The following NDUFA10 variants were observed in gnomAD, a reference collection of about 807,000 sequenced individuals.
NDUFA10 encodes the protein NADH dehydrogenase [ubiquinone] 1 alpha subcomplex subunit 10, mitochondrial.
A neutral mutation model predicts 47.8 loss-of-function variants in NDUFA10; 40 were observed. The observed-to-expected ratio is 0.84, with a 90% confidence interval of 0.65 to 1.09. NDUFA10 has a LOEUF of 1.09. NDUFA10 is among the 50% of genes least tolerant of loss of function. The pLI is 0.00. For missense variants in NDUFA10, 413 were observed against 451.1 expected (o/e 0.92, Z 0.76); for synonymous variants, 183 against 172.2 (o/e 1.06, Z -0.49).
At chr2:240,011,092 C>T (rs1487654487) in intron 6 of NDUFA10, among the ~76,000 whole-genome samples, 1 of 152,128 alleles carries the variant, frequency 6.6e-6, no homozygotes, top group Non-Finnish European at 1.5e-5. Flanking sequence ...TGAGTGAAAC[C>T]ACATTTTCCA....
chr2:239,947,078 T>C (rs1359111913), intron 4 of NDUFA10, among the ~76,000 whole-genome samples: 2 of 152,168 alleles, frequency 1.3e-5, no homozygotes, highest in Non-Finnish European at 2.9e-5. Context: ...CAGCAGGTAG[T>C]GTGGGTGGGA....
At chr2:239,904,402 A>C (rs373543260) in intron 4 of NDUFA10, among the ~76,000 whole-genome samples, 1 of 152,130 alleles carries the variant, frequency 6.6e-6, no homozygotes, top group Non-Finnish European at 1.5e-5. Context: ...GGTTCAAGCG[A>C]TTATCCTGCC....
At chr2:239,950,098 G>C (rs1400451260) in intron 4 of NDUFA10, among the ~76,000 whole-genome samples, 1 of 152,152 alleles carries the variant, frequency 6.6e-6, no homozygotes, top group Middle Eastern at 3.2e-3. Context: ...TCTAGGGAGG[G>C]GGCACACCTC....
chr2:239,930,761 T>C (rs113787495), intron 4 of NDUFA10, among the ~76,000 whole-genome samples: 3,563 of 151,616 alleles, frequency 0.024, 150 homozygotes, highest in African/African-American at 0.081. Context: ...CCCCGGTGGA[T>C]GGGTACAGCG....
chr2:239,893,215 C>G (rs1220780391), intron 5 of NDUFA10, among the ~76,000 whole-genome samples: 4 of 152,168 alleles, frequency 2.6e-5, no homozygotes, highest in Non-Finnish European at 5.9e-5. Context: ...AGCTGCAGCA[C>G]AGGGTACACG....
rs760243451 is a variant in NDUFA10 at position 240,016,276 on chromosome 2, C to T, written c.548-1416G>A. On this transcript the variant is annotated intron_variant, in intron 4 of 9. Coordinates refer to ENST00000252711, the MANE Select transcript of NDUFA10 (RefSeq NM_004544.4). This position sits in a 1 kb window ranked among gnomAD's most constrained non-coding sequence, Gnocchi z 4.4. ...CAAACCCGCAGCCAGGCAGAGCACA[C>T]GGGACCTCGGGTCTGCTTCCTGACT... is the stretch of plus-strand genomic sequence containing the variant. 1.8e-4 allele frequency among the ~76,000 whole-genome samples: 28 copies of T among 152,288 alleles called. No homozygotes were observed. The highest frequency in any genetic ancestry group is 1.4e-3 in the Admixed American group (22 of 15,312).
rs1276967028 is a variant in NDUFA10 at position 239,916,318 on chromosome 2, CACAA to C, written c.295-21008_295-21005del. On this transcript the variant is annotated intron_variant, in intron 4 of 5. Coordinates refer to the NDUFA10 transcript ENST00000419408. ...ATACAGACACACACAGACACAGATACACAAACATACACACATGCACAGAACACAC... is the reference window on the plus strand; with the variant it reads ...ATACAGACACACACAGACACAGATACACATACACACATGCACAGAACACAC... Among the ~76,000 whole-genome samples the C allele has an allele frequency of 9.9e-5, 15 of 151,582 alleles. No individual in the cohort carries two copies. In the South Asian group the frequency reaches 1.5e-3, roughly 15 times the overall value.
chr2:239,955,811 A>G (rs765205540), downstream of NDUFA10, among the ~76,000 whole-genome samples: 10 of 152,314 alleles, frequency 6.6e-5, no homozygotes, highest in East Asian at 1.9e-4. Flanking sequence ...ACTCTGGCTC[A>G]GGACCCTGAT....
At chr2:239,962,676 T>G (rs565774944) in intron 9 of NDUFA10, among the ~76,000 whole-genome samples, 39 of 152,294 alleles carry the variant, frequency 2.6e-4, no homozygotes, top group Middle Eastern at 3.4e-3. Context: ...AAAAGAGGTC[T>G]AATTGGCTCA....
chr2:239,967,211 T>C (rs1008851933), intron 9 of NDUFA10, among the ~76,000 whole-genome samples: 1 of 152,230 alleles, frequency 6.6e-6, no homozygotes, highest in Non-Finnish European at 1.5e-5. Flanking sequence ...CTCCAGATCA[T>C]TATGCTGCTG....
At chr2:239,950,847 G>A (rs1694539298) in intron 4 of NDUFA10, among the ~76,000 whole-genome samples, 1 of 152,166 alleles carries the variant, frequency 6.6e-6, no homozygotes, top group Non-Finnish European at 1.5e-5. Flanking sequence ...ATTCAAGTAG[G>A]TGCCTGTCTA....
In NDUFA10 at chr2:239,961,315, G is replaced by A. The variant is rs1468402057; in HGVS notation, c.1000-129C>T. On this transcript the variant is annotated intron_variant, in intron 9 of 9. Transcript: ENST00000252711. ...CCTTCAGCAATGCTGGTGAGCACAT[G>A]ATCTGTGGCAGGTGTCTCCTGTGAG... The A allele has an allele frequency of 2.6e-6, 4 of 1,542,652 alleles. No homozygotes were observed. The South Asian group carries it at 3.6e-5, about 14-fold the overall frequency.
At chr2:239,915,157 CAG>C (rs960738847) in intron 4 of NDUFA10, among the ~76,000 whole-genome samples, 2 of 149,790 alleles carry the variant, frequency 1.3e-5, no homozygotes, top group Admixed American at 6.6e-5. Context: ...TACAGACACA[CAG>C]AGATACACAA....
intron 9 of NDUFA10, among the ~76,000 whole-genome samples, chr2:239,984,051 G>GTT (rs1047366398): frequency 1.9e-4 from 29 of 152,144 alleles, no homozygotes; most frequent in African/African-American, 7.0e-4. Context: ...TGGCCATGAT[G>GTT]GTGCAACCCC....
At chr2:239,942,068 TC>T (rs1233470788) in intron 4 of NDUFA10, among the ~76,000 whole-genome samples, 4 of 152,240 alleles carry the variant, frequency 2.6e-5, no homozygotes, top group Non-Finnish European at 5.9e-5. Context: ...ACAAACTATT[TC>T]ACTTGGAATC....
Position 240,025,096 on chromosome 2 carries a change from G to A in NDUFA10, c.75+131C>T, listed in dbSNP as rs113286124. 2.1e-3 allele frequency: 1,934 copies of A among 899,982 alleles called. 26 individuals carry two copies. The African/African-American group carries it at 0.031, about 14-fold the overall frequency. 55.7% of individuals were successfully genotyped at this position (899,982 alleles called of 1,614,324 possible). The stretch of plus-strand genomic sequence containing the variant: ...CCAAACAATTCCGGAGGCAGGAGGG[G>A]TCCCCCAAACCCACCCGGAGAGCGA... On this transcript the variant is annotated intron_variant, in intron 1 of 9. Transcript: ENST00000252711.
rs1696061586 is a variant in NDUFA10 at position 239,987,789 on chromosome 2, G to A, written c.999+2285C>T. Reference sequence around the variant, plus strand: ...GCTCCGAACAGTCGCAGATGCCTGTGGGACTAACACGTATGGAGAATTAAG... The same window carrying A: ...GCTCCGAACAGTCGCAGATGCCTGTAGGACTAACACGTATGGAGAATTAAG... On this transcript the variant is annotated intron_variant, in intron 9 of 9. Coordinates refer to ENST00000252711, the MANE Select transcript of NDUFA10 (RefSeq NM_004544.4). The surrounding 1 kb of genome is among the most constrained non-coding windows in gnomAD (Gnocchi z 4.8). 6.6e-6 allele frequency among the ~76,000 whole-genome samples: 1 copy of A among 152,204 alleles called. No homozygotes were observed. Among genetic ancestry groups the A allele is most frequent in the African/African-American group, 2.4e-5 (1 of 41,458 alleles).
chr2:239,971,407 C>G (rs1219015739), intron 9 of NDUFA10, among the ~76,000 whole-genome samples: 1 of 152,226 alleles, frequency 6.6e-6, no homozygotes, highest in Non-Finnish European at 1.5e-5. Flanking sequence ...CTGTCCTGAG[C>G]CACCTCTGCC....
At chr2:239,936,853 G>A (rs4853980) in intron 4 of NDUFA10, among the ~76,000 whole-genome samples, 48,671 of 152,050 alleles carry the variant, frequency 0.32, 7,954 homozygotes, top group Non-Finnish European at 0.35. Flanking sequence ...TCAGCTACTC[G>A]AGAGGCTGAG....
Sources: gnomAD v4.1 joint callset for allele counts (sites outside exome capture counted in the v4.1 genomes callset) on GRCh38, gnomAD v4.1.1 for gene constraint, Gnocchi (gnomAD v3.1) non-coding constraint, MANE v1.5 for transcripts, NCBI Gene and HGNC (gene_info 2026-07-23, HGNC 2026-07-21) for gene names.